The following PAK5 variants were observed in gnomAD, a reference collection of about 807,000 sequenced individuals.
PAK5 encodes serine/threonine-protein kinase PAK 5.
PAK5 carries 16 observed loss-of-function variants against 65.9 expected under a neutral mutation model. The observed-to-expected ratio is 0.24, with a 90% confidence interval of 0.16 to 0.37. PAK5 has a LOEUF of 0.37. Among genes scored for constraint, PAK5 ranks in the 10% least tolerant of loss-of-function variants. The pLI, the probability that PAK5 is intolerant of heterozygous loss-of-function variation, is 1.00. For synonymous variants in PAK5, 371 were observed against 354.9 expected (o/e 1.05, Z -0.51); for missense variants, 785 against 903.9 (o/e 0.87, Z 1.69).
intron 2 of PAK5, among the ~76,000 whole-genome samples, chr20:9,697,745 T>A (rs144322715): frequency 2.6e-5 from 4 of 152,162 alleles, no homozygotes; most frequent in Non-Finnish European, 5.9e-5. Flanking sequence ...ATATTAGGCA[T>A]AATTATGACT....
chr20:9,648,749 G>A (rs1466920508), intron 2 of PAK5, among the ~76,000 whole-genome samples: 1 of 152,152 alleles, frequency 6.6e-6, no homozygotes, highest in Non-Finnish European at 1.5e-5. Context: ...CAAAACACAA[G>A]CTTTTAATCA....
intron 1 of PAK5, among the ~76,000 whole-genome samples, chr20:9,806,226 T>G (rs2049231569): frequency 6.6e-6 from 1 of 152,158 alleles, no homozygotes; most frequent in Non-Finnish European, 1.5e-5. Context: ...TGGCCTCAAG[T>G]GACCTGCCCG....
rs544500152 is a variant in PAK5, at chr20:9,661,750, A to T, written c.-11-17411T>A. 2.1e-4 allele frequency among the ~76,000 whole-genome samples: 32 copies of T among 152,248 alleles called. 2 individuals are homozygous for T. In the South Asian group the frequency reaches 6.6e-3, roughly 32 times the overall value. ...TTTAGAATGCCTTCATTCTAAAGGC[A>T]TTTATTTAATGCCCCTACTAAAGGC... On this transcript the variant is annotated intron_variant, in intron 2 of 9. Transcript: ENST00000353224.
chr20:9,728,920 T>C, intron 1 of PAK5, among the ~76,000 whole-genome samples: 1 of 152,210 alleles, frequency 6.6e-6, no homozygotes, highest in Admixed American at 6.5e-5. Flanking sequence ...ATAATGCCAA[T>C]TCTTCATTTA....
At chr20:9,561,025 A>G (rs961756494) in intron 6 of PAK5, among the ~76,000 whole-genome samples, 7 of 152,216 alleles carry the variant, frequency 4.6e-5, no homozygotes, top group African/African-American at 1.4e-4. Context: ...TCAACCGATC[A>G]ATAAATCATT....
At chr20:9,737,366 A>T (rs1168241540) in intron 1 of PAK5, among the ~76,000 whole-genome samples, 1 of 152,184 alleles carries the variant, frequency 6.6e-6, no homozygotes. Context: ...ATATCATAAA[A>T]CATAGATTTC....
chr20:9,827,838 C>T (rs1466963212), intron 1 of PAK5, among the ~76,000 whole-genome samples: 1 of 152,018 alleles, frequency 6.6e-6, no homozygotes, highest in East Asian at 1.9e-4. Flanking sequence ...TATTTATTTA[C>T]TTATTTATTT....
intron 3 of PAK5, among the ~76,000 whole-genome samples, chr20:9,584,618 C>T (rs1163248036): frequency 4.6e-5 from 7 of 152,194 alleles, no homozygotes. Context: ...GCCTTGTTTA[C>T]CACTTCTCTA....
intron 3 of PAK5, among the ~76,000 whole-genome samples, chr20:9,643,861 C>T (rs1027048380): frequency 2.0e-5 from 3 of 152,126 alleles, no homozygotes; most frequent in South Asian, 4.2e-4. Flanking sequence ...CATTTAAAGT[C>T]GAAATAAAAA....
At chr20:9,697,042 A>G (rs2123449704) in intron 2 of PAK5, among the ~76,000 whole-genome samples, 1 of 152,204 alleles carries the variant, frequency 6.6e-6, no homozygotes, top group South Asian at 2.1e-4. Flanking sequence ...GTTGCTGGAA[A>G]TCCCTTATTA....
chr20:9,703,410 C>A (rs1242145675), intron 2 of PAK5, among the ~76,000 whole-genome samples: 1 of 152,108 alleles, frequency 6.6e-6, no homozygotes, highest in African/African-American at 2.4e-5. Context: ...AGTGGCCAAC[C>A]CAGAGAGCTA....
intron 4 of PAK5, among the ~76,000 whole-genome samples, chr20:9,573,051 T>G (rs2045819060): frequency 6.6e-6 from 1 of 152,158 alleles, no homozygotes; most frequent in African/African-American, 2.4e-5. Flanking sequence ...ACAGGAATCT[T>G]TAGAAATATT....
chr20:9,602,374 C>T (rs1333818152), intron 3 of PAK5, among the ~76,000 whole-genome samples: 1 of 151,992 alleles, frequency 6.6e-6, no homozygotes, highest in African/African-American at 2.4e-5. Context: ...ATGCAGACCC[C>T]TTGCTCCTAA....
intron 1 of PAK5, among the ~76,000 whole-genome samples, chr20:9,831,656 C>T (rs371264451): frequency 2.0e-4 from 31 of 152,222 alleles, no homozygotes; most frequent in South Asian, 4.2e-4. Flanking sequence ...CAGAGGCGTG[C>T]GCCACCACGC....
At chr20:9,573,292 C>T (rs534437943) in intron 4 of PAK5, among the ~76,000 whole-genome samples, 63 of 152,204 alleles carry the variant, frequency 4.1e-4, no homozygotes, top group African/African-American at 9.9e-4. Flanking sequence ...ACAACTCAGC[C>T]GGACTACCTT....
intron 8 of PAK5, 114 bp from the exon 9 acceptor site, chr20:9,542,834 A>C: frequency 1.1e-6 from 1 of 897,122 alleles, no homozygotes; most frequent in Non-Finnish European, 1.7e-6. Context: ...GTAACCTCTC[A>C]ACATTTACAA....
chr20:9,735,946 G>A (rs1397302075), intron 1 of PAK5, among the ~76,000 whole-genome samples: 2 of 147,532 alleles, frequency 1.4e-5, no homozygotes, highest in African/African-American at 5.1e-5. Context: ...TTGTTTCCTA[G>A]GCTGGAGTGC....
At chr20:9,766,400 TCAAGCA>T (rs1308845118) in intron 1 of PAK5, among the ~76,000 whole-genome samples, 1,729 of 53,912 alleles carry the variant, frequency 0.032, 345 homozygotes, top group East Asian at 0.053. Flanking sequence ...ATATATATAT[TCAAGCA>T]GAATATATAT....
intron 3 of PAK5, among the ~76,000 whole-genome samples, chr20:9,616,573 C>T (rs988775185): frequency 6.6e-6 from 1 of 152,190 alleles, no homozygotes; most frequent in South Asian, 2.1e-4. Context: ...TCCTTCAGGG[C>T]TGGGCTGGGG....
Sources: allele counts gnomAD v4.1 joint callset (sites outside exome capture counted in the v4.1 genomes callset), GRCh38; gene constraint gnomAD v4.1.1; transcripts MANE v1.5; gene names NCBI Gene and HGNC (gene_info 2026-07-23, HGNC 2026-07-21).